GPATCH8: variants seen among roughly 807,000 people sequenced by gnomAD.
GPATCH8 encodes G patch domain-containing protein 8.
A neutral mutation model predicts 118.3 loss-of-function variants in GPATCH8; 18 were observed. The observed-to-expected ratio is 0.15, with a 90% CI of 0.11 to 0.23. The LOEUF is 0.23. Ranked by LOEUF, GPATCH8 falls within the 10% of genes least tolerant of loss-of-function variation. GPATCH8 has a pLI of 1.00. For missense variants in GPATCH8, 1,631 were observed against 1,873.8 expected, an observed-to-expected ratio of 0.87 and a Z score of 2.39; for synonymous variants, 659 against 684.7, an observed-to-expected ratio of 0.96 and a Z score of 0.59.
Position 44,400,983 on chromosome 17 carries a change from T to C in GPATCH8, c.1094A>G (p.Gln365Arg), listed in dbSNP as rs201603643. ...TGTTGAGGCAAGGGACCCTCCATCC[T>C]GAGGGTCTTCATCCTCTTTTTTACC... ...LDGKKEDEDP[Q>R]DGGSLASTLS... The change falls in exon 8 of 8, where the codon CAG (glutamine) becomes CGG (arginine). Residue 365 changes from glutamine (Q) to arginine (R), a missense_variant. Gln to Arg is a conservative substitution (Grantham distance 43). This residue lies in a region of GPATCH8 where 405 missense variants were observed against 462.7 expected (regional missense o/e 0.88). Transcript: ENST00000591680. 8.1e-6 allele frequency: 13 copies of C among 1,611,518 alleles called. No homozygotes were observed. The highest frequency in any genetic ancestry group is 1.1e-5 in the Non-Finnish European group (13 of 1,177,558).
Position 44,401,126 on chromosome 17 carries a change from T to C in GPATCH8, c.951A>G (p.Ser317=), listed in dbSNP as rs2049005448. The part of the protein sequence containing the change: ...KAPVKLESIA[S]VFKDHAEEGT... Reference sequence around the variant, plus strand: ...CTTCCTCCGCATGGTCCTTGAAAACTGATGCTATTGATTCGAGTTTGACAG... The same window carrying C: ...CTTCCTCCGCATGGTCCTTGAAAACCGATGCTATTGATTCGAGTTTGACAG... Residue 317 remains serine (S), a synonymous_variant, in exon 8 of 8, where the codon TCA becomes TCG. Transcript: ENST00000591680. The C allele has an allele frequency of 2.5e-6, 4 of 1,614,148 alleles. No individual in the cohort carries two copies. The highest frequency in any genetic ancestry group is 2.5e-6 in the Non-Finnish European group (3 of 1,179,956).
At chr17:44,437,819 A>AT (rs1252039414) in intron 3 of GPATCH8, among the ~76,000 whole-genome samples, 1 of 152,118 alleles carries the variant, frequency 6.6e-6, no homozygotes, top group Non-Finnish European at 1.5e-5. Flanking sequence ...AAACAAATTC[A>AT]TAAGTTTAAC....
At chr17:44,408,187 TTC>T (rs1459296507) in intron 6 of GPATCH8, among the ~76,000 whole-genome samples, 1 of 151,752 alleles carries the variant, frequency 6.6e-6, no homozygotes, top group African/African-American at 2.4e-5. Context: ...ATCTGCCATT[TTC>T]TCTTTTTTTT....
chr17:44,399,760 C>T lies in GPATCH8; in HGVS notation c.2317G>A (p.Gly773Arg). 1 of 1,613,962 alleles carries T rather than the reference C, an allele frequency of 6.2e-7. No homozygotes were observed. Among genetic ancestry groups the T allele is most frequent in the Non-Finnish European group, 8.5e-7 (1 of 1,179,960 alleles). Residue 773 changes from glycine (G) to arginine (R), a missense_variant, in exon 8 of 8, where the codon GGG (glycine) becomes AGG (arginine). Gly to Arg is a moderately radical substitution (Grantham distance 125). Around this residue, in one of 8 missense-constraint regions of GPATCH8, gnomAD observed 922 missense variants for 879.7 expected, o/e 1.05. Coordinates refer to ENST00000591680, the MANE Select transcript of GPATCH8 (RefSeq NM_001002909.4). ...EGSSGKKDEG[G>R]GGSSSQDHGG... The stretch of plus-strand genomic sequence containing the variant: ...TGGTCTTGGGAGCTGCTACCACCCC[C>T]ACCTTCATCCTTTTTGCCACTGCTC...
At chr17:44,448,351 A>C (rs1250695376) in intron 3 of GPATCH8, among the ~76,000 whole-genome samples, 1 of 151,964 alleles carries the variant, frequency 6.6e-6, no homozygotes, top group Non-Finnish European at 1.5e-5. Context: ...TGAGCCCTGG[A>C]GTTCCAGACC....
chr17:44,431,054 T>C (rs1238062138), intron 5 of GPATCH8, among the ~76,000 whole-genome samples: 3 of 151,880 alleles, frequency 2.0e-5, no homozygotes, highest in South Asian at 4.2e-4. Flanking sequence ...GTGAATTTTA[T>C]CTCAACAACA....
intron 3 of GPATCH8, among the ~76,000 whole-genome samples, chr17:44,445,493 T>C (rs1215718420): frequency 1.3e-5 from 2 of 149,154 alleles, no homozygotes; most frequent in Admixed American, 1.3e-4. Context: ...TATGTGAGTA[T>C]TTCTTTTTCT....
At chr17:44,419,658 A>AGTT (rs371885201) in intron 6 of GPATCH8, among the ~76,000 whole-genome samples, 2 of 145,094 alleles carry the variant, frequency 1.4e-5, no homozygotes, top group Non-Finnish European at 3.1e-5. Context: ...ACATCAGGGT[A>AGTT]ATTTTTTTTT....
intron 3 of GPATCH8, among the ~76,000 whole-genome samples, chr17:44,460,435 C>G (rs556032355): frequency 6.6e-6 from 1 of 152,050 alleles, no homozygotes; most frequent in Non-Finnish European, 1.5e-5. Context: ...AAAATAAACT[C>G]AGTTTACAAA....
Position 44,396,147 on chromosome 17 carries a change from TA to T in GPATCH8, c.*1420del, listed in dbSNP as rs750617614. The T allele has an allele frequency of 4.9e-5, 21 of 432,268 alleles. No homozygotes were observed. The highest frequency in any genetic ancestry group is 7.4e-5 in the Admixed American group (3 of 40,576). The allele number at this position is 432,268 out of a possible 1,614,324, so 26.8% of individuals were successfully genotyped here. A position where few individuals can be genotyped will look rare whatever the true frequency, so the allele number is the denominator to read the frequency against. On this transcript the variant is annotated 3_prime_UTR_variant, in exon 8 of 8. Coordinates refer to ENST00000591680, the MANE Select transcript of GPATCH8 (RefSeq NM_001002909.4). ...GTTTCTACCAACCCAAAAGGCACAT[TA>T]AAAAAAAAATTGTCAGAGGGGGCTA...
chr17:44,461,563 T>C (rs930691916), intron 3 of GPATCH8, among the ~76,000 whole-genome samples: 4 of 152,182 alleles, frequency 2.6e-5, no homozygotes, highest in Non-Finnish European at 5.9e-5. Context: ...TTTAAATGAA[T>C]AGATTTATGA....
At chr17:44,419,886 T>C (rs1217406447) in intron 6 of GPATCH8, among the ~76,000 whole-genome samples, 1 of 152,188 alleles carries the variant, frequency 6.6e-6, no homozygotes, top group African/African-American at 2.4e-5. Flanking sequence ...AGTGCTGTGC[T>C]TCTTTTGTTT....
chr17:44,400,384 T>C lies in GPATCH8; in HGVS notation c.1693A>G (p.Ile565Val). The C allele has an allele frequency of 6.2e-7, 1 of 1,613,768 alleles. No homozygotes were observed. The highest frequency in any genetic ancestry group is 8.5e-7 in the Non-Finnish European group (1 of 1,179,638). Residue 565 changes from isoleucine (I) to valine (V), a missense_variant, in exon 8 of 8, where the codon ATT (isoleucine) becomes GTT (valine). Coordinates refer to ENST00000591680, the MANE Select transcript of GPATCH8 (RefSeq NM_001002909.4). ...TATAAAGGGTTACAACTGTATGAAA[T>C]GGAGGGTTCTGCCTTGGTGAAAATT... is the stretch of plus-strand genomic sequence containing the variant. ...LLIFTKAEPSISYSCNPLYFD... is the reference protein window; with the variant it reads ...LLIFTKAEPSVSYSCNPLYFD...
intron 1 of GPATCH8, among the ~76,000 whole-genome samples, chr17:44,498,844 A>G (rs1969857777): frequency 1.3e-5 from 2 of 152,216 alleles, no homozygotes; most frequent in Admixed American, 1.3e-4. Flanking sequence ...TGCCAACTAT[A>G]TTACATACAG....
intron 5 of GPATCH8, among the ~76,000 whole-genome samples, chr17:44,430,506 A>G (rs909507639): frequency 5.9e-5 from 9 of 152,208 alleles, no homozygotes; most frequent in African/African-American, 2.2e-4. Flanking sequence ...TAAAAACACT[A>G]AACAAAGCAG....
chr17:44,396,985 T>G lies in GPATCH8; in HGVS notation c.*583A>C. On this transcript the variant is annotated 3_prime_UTR_variant, in exon 8 of 8. Coordinates refer to ENST00000591680, the MANE Select transcript of GPATCH8 (RefSeq NM_001002909.4). ...TGGCTCCGTTGATGTGGGAACTGGA[T>G]GGAATTGCAGCCTGAGTTATATCAG... The G allele has an allele frequency of 4.4e-6, 2 of 452,854 alleles. No homozygotes were observed. The highest frequency in any genetic ancestry group is 3.1e-5 in the South Asian group (2 of 64,470). 28.1% of individuals were successfully genotyped at this position (452,854 alleles called of 1,614,324 possible). A position where few individuals can be genotyped will look rare whatever the true frequency, so the allele number is the denominator to read the frequency against.
intron 6 of GPATCH8, among the ~76,000 whole-genome samples, chr17:44,409,520 G>C (rs2049355449): frequency 6.6e-6 from 1 of 152,160 alleles, no homozygotes. Context: ...GTGGTGCTTT[G>C]TCATACTGCT....
At chr17:44,484,635 T>TGGTC (rs1968630365) in intron 1 of GPATCH8, among the ~76,000 whole-genome samples, 1 of 152,198 alleles carries the variant, frequency 6.6e-6, no homozygotes, top group South Asian at 2.1e-4. Context: ...CTTCCTCTAA[T>TGGTC]GGTCTTTTTC....
chr17:44,464,727 G>C (rs145427844), intron 2 of GPATCH8, 183 bp from the exon 3 acceptor site: 57 of 600,964 alleles, frequency 9.5e-5, no homozygotes, highest in African/African-American at 8.7e-4. Flanking sequence ...AAGCTGGCTA[G>C]TATTTTACAT....
Sources: gnomAD v4.1 joint callset for allele counts (sites outside exome capture counted in the v4.1 genomes callset) on GRCh38, gnomAD v4.1.1 for gene constraint, gnomAD v4.1.1 regional missense constraint, MANE v1.5 for transcripts, NCBI Gene and HGNC (gene_info 2026-07-23, HGNC 2026-07-21) for gene names.